PPP1R7: variants seen among roughly 807,000 people sequenced by gnomAD.
PPP1R7 encodes protein phosphatase 1 regulatory subunit 22.
A neutral mutation model predicts 45.2 loss-of-function variants in PPP1R7; 18 were observed. The ratio of observed to expected loss-of-function variants is 0.40; its 90% CI spans 0.28 to 0.59. The LOEUF (loss-of-function observed/expected upper bound fraction) is 0.59, where lower values mean the gene tolerates loss of function less well. PPP1R7 is among the 20% of genes least tolerant of loss of function. PPP1R7 has a pLI of 0.46. For synonymous variants in PPP1R7, 181 were observed against 183.4 expected, an observed-to-expected ratio of 0.99 and a Z score of 0.11; for missense variants, 314 against 455.8, an observed-to-expected ratio of 0.69 and a Z score of 2.83.
Position 241,159,332 on chromosome 2 carries a change from A to G in PPP1R7, c.423A>G (p.Leu141=). ...AGAAGATTGAGAATCTGGAGGCGCT[A>G]ACAGAGCTGGAGTGAGTCATGAGAC... ...QIKKIENLEA[L]TELEILDISF... The change falls in exon 5 of 10, where the codon CTA becomes CTG. Residue 141 remains leucine, a synonymous_variant. Transcript: ENST00000234038. 1 of 1,613,158 alleles carries G rather than the reference A, an allele frequency of 6.2e-7. No individual in the cohort carries two copies.
At chr2:241,161,410 C>T (rs2067587155) in intron 6 of PPP1R7, among the ~76,000 whole-genome samples, 2 of 148,174 alleles carry the variant, frequency 1.3e-5, no homozygotes, top group Non-Finnish European at 1.5e-5. Flanking sequence ...CATGCTTCTT[C>T]GAGATGAAAG....
Position 241,180,537 on chromosome 2 carries a change from G to A in PPP1R7, c.907-2110G>A, listed in dbSNP as rs529991144. 1.1e-4 allele frequency among the ~76,000 whole-genome samples: 16 copies of A among 152,170 alleles called. No individual in the cohort carries two copies. The South Asian group carries it at 1.9e-3, about 18-fold the overall frequency. On this transcript the variant is annotated intron_variant, in intron 9 of 9. Coordinates refer to ENST00000234038, the MANE Select transcript of PPP1R7 (RefSeq NM_002712.3). ...GGGTTGGACAAGCTTGGTTTAAGGC[G>A]TGTGTGTGCATCATTTTCGTGACTC... is the stretch of plus-strand genomic sequence containing the variant.
chr2:241,168,280 A>G (rs928707876), intron 8 of PPP1R7, among the ~76,000 whole-genome samples: 2 of 152,150 alleles, frequency 1.3e-5, no homozygotes, highest in African/African-American at 4.8e-5. Flanking sequence ...TCTGACAGCC[A>G]GAGCCCACCA....
intron 8 of PPP1R7, chr2:241,167,195 TTTG>T (rs2067734254): frequency 1.1e-6 from 1 of 949,806 alleles, no homozygotes; most frequent in Non-Finnish European, 1.5e-6. Context: ...TTTTTTCTGT[TTTG>T]TTAAATTGCC....
chr2:241,176,897 G>A (rs2067917766), intron 9 of PPP1R7, among the ~76,000 whole-genome samples: 1 of 152,204 alleles, frequency 6.6e-6, no homozygotes, highest in South Asian at 2.1e-4. Flanking sequence ...AGATAGCTGT[G>A]TTTCATACAA....
intron 9 of PPP1R7, among the ~76,000 whole-genome samples, chr2:241,176,641 A>G (rs771381683): frequency 6.6e-6 from 1 of 151,884 alleles, no homozygotes; most frequent in Non-Finnish European, 1.5e-5. Flanking sequence ...TTGTATTTTT[A>G]GTAGAGACGG....
chr2:241,153,584 G>T lies in PPP1R7; in HGVS notation c.161G>T (p.Arg54Leu), dbSNP rs140300724. Reference sequence around the variant, plus strand: ...CAGAGCCTGAAGGATGGGGAGGAGCGGGGGGAGGAGGACCCAGAAGGTACC... The same window carrying T: ...CAGAGCCTGAAGGATGGGGAGGAGCTGGGGGAGGAGGACCCAGAAGGTACC... ...SEQSLKDGEE[R>L]GEEDPEEEHE... Residue 54 changes from arginine to leucine, a missense_variant, in exon 2 of 10, where the codon CGG becomes CTG. By Grantham distance (102) the Arg-to-Leu change is moderately radical. Around this residue, in one of 3 missense-constraint regions of PPP1R7, gnomAD observed 112 missense variants for 144.5 expected, o/e 0.78. Transcript: ENST00000234038. 9 of 1,613,920 alleles carry T rather than the reference G, an allele frequency of 5.6e-6. No individual in the cohort carries two copies. The South Asian group carries it at 7.7e-5, about 14-fold the overall frequency.
chr2:241,157,551 A>G (rs1325577211), intron 2 of PPP1R7, among the ~76,000 whole-genome samples: 1 of 152,230 alleles, frequency 6.6e-6, no homozygotes, highest in Non-Finnish European at 1.5e-5. Context: ...GTTCAAAGGC[A>G]CAGATGGATG....
intron 9 of PPP1R7, among the ~76,000 whole-genome samples, 156 bp from the exon 10 acceptor site, chr2:241,182,491 C>T (rs1320736501): frequency 1.3e-5 from 2 of 152,136 alleles, no homozygotes; most frequent in Non-Finnish European, 2.9e-5. Flanking sequence ...CCAGGATGCA[C>T]CAAGAGGCCA....
In PPP1R7 at chr2:241,183,102, T is replaced by C. The variant is rs2068036318; in HGVS notation, c.*279T>C. The C allele has an allele frequency of 2.2e-6, 1 of 459,344 alleles. No individual in the cohort carries two copies. Among genetic ancestry groups the C allele is most frequent in the Non-Finnish European group, 4.0e-6 (1 of 248,308 alleles). The allele number at this position is 459,344 out of a possible 1,614,324, so 28.5% of individuals were successfully genotyped here. A position where few individuals can be genotyped will look rare whatever the true frequency, so the allele number is the denominator to read the frequency against. On this transcript the variant is annotated 3_prime_UTR_variant, in exon 10 of 10. Transcript: ENST00000234038. ...GTTGCGTTCATTCGCTAGAAATCCC[T>C]GTTTCCTTCTCTCAGAAGGCAGTCA...
chr2:241,181,103 TG>T (rs1053062239), intron 9 of PPP1R7, among the ~76,000 whole-genome samples: 1 of 151,982 alleles, frequency 6.6e-6, no homozygotes, highest in African/African-American at 2.4e-5. Context: ...GAGGCTGAGG[TG>T]GGAGAATCGC....
intron 1 of PPP1R7, among the ~76,000 whole-genome samples, chr2:241,152,638 A>T (rs1279073295): frequency 6.6e-6 from 1 of 152,232 alleles, no homozygotes; most frequent in Non-Finnish European, 1.5e-5. Context: ...CAAAGAGCAC[A>T]TCTCTTTGTA....
intron 8 of PPP1R7, 89 bp downstream of exon 8, chr2:241,166,530 G>A (rs1575398032): frequency 1.4e-5 from 16 of 1,110,642 alleles, no homozygotes; most frequent in Non-Finnish European, 1.9e-5. Flanking sequence ...CTGGCCTCTC[G>A]GGCCGGTGTC....
Position 241,182,652 on chromosome 2 carries a change from C to T in PPP1R7, c.912C>T (p.Asn304=), listed in dbSNP as rs528914663. The T allele has an allele frequency of 5.0e-6, 8 of 1,614,082 alleles. No homozygotes were observed. Among genetic ancestry groups the T allele is most frequent in the African/African-American group, 2.7e-5 (2 of 75,028 alleles). Residue 304 remains asparagine (N), a synonymous_variant, in exon 10 of 10, where the codon AAC becomes AAT. Transcript: ENST00000234038. ...TCTGCTGTGTGTGTCCCCAGATGAA[C>T]GACAATCTCCTTGAGAGCTGGAGCG... ...HLTELQEFWM[N]DNLLESWSDL...
chr2:241,166,458 C>T lies in PPP1R7; in HGVS notation c.819+17C>T. On this transcript the variant is annotated intron_variant, in intron 8 of 9. Transcript: ENST00000234038. ...GAGAACAATGTAAGACACCCACTGTCTGTCTGGGGCTGTGTGGGCGGTGGG... is the reference window on the plus strand; with the variant it reads ...GAGAACAATGTAAGACACCCACTGTTTGTCTGGGGCTGTGTGGGCGGTGGG... 2 of 1,609,290 alleles carry T rather than the reference C, an allele frequency of 1.2e-6. No homozygotes were observed. The highest frequency in any genetic ancestry group is 1.7e-6 in the Non-Finnish European group (2 of 1,176,752).
At chr2:241,159,125 G>A in intron 4 of PPP1R7, 88 bp from the exon 5 acceptor site, 2 of 1,451,372 alleles carry the variant, frequency 1.4e-6, no homozygotes, top group South Asian at 2.4e-5. Flanking sequence ...CTACCAGAAA[G>A]GCCTTTCTTG....
intron 2 of PPP1R7, among the ~76,000 whole-genome samples, chr2:241,156,502 T>C (rs1397802168): frequency 6.6e-6 from 1 of 152,102 alleles, no homozygotes; most frequent in Non-Finnish European, 1.5e-5. Context: ...GAGACCCTGA[T>C]TGTACAAAAC....
chr2:241,168,421 T>A (rs2149064167), intron 8 of PPP1R7, among the ~76,000 whole-genome samples: 1 of 152,254 alleles, frequency 6.6e-6, no homozygotes, highest in East Asian at 1.9e-4. Flanking sequence ...CATCTCAGAA[T>A]GGTGCAGAGT....
At chr2:241,175,750 G>A (rs2067897493) in intron 9 of PPP1R7, among the ~76,000 whole-genome samples, 1 of 151,978 alleles carries the variant, frequency 6.6e-6, no homozygotes, top group Non-Finnish European at 1.5e-5. Context: ...GTGCACCAAT[G>A]ACCTGGCTAC....
Sources: gnomAD v4.1 joint callset for allele counts (sites outside exome capture counted in the v4.1 genomes callset) on GRCh38, gnomAD v4.1.1 for gene constraint, gnomAD v4.1.1 regional missense constraint, MANE v1.5 for transcripts, NCBI Gene and HGNC (gene_info 2026-07-23, HGNC 2026-07-21) for gene names.